The following SERINC1 variants were observed in gnomAD, a reference collection of about 807,000 sequenced individuals.
SERINC1 encodes the protein serine incorporator 1, also known as tumor differentially expressed protein 2.
SERINC1 carries 38 observed loss-of-function variants against 52.9 expected under a neutral mutation model. The ratio of observed to expected loss-of-function variants is 0.72; its 90% CI spans 0.55 to 0.94. SERINC1 has a LOEUF of 0.94. Ranked by LOEUF, SERINC1 falls within the 40% of genes least tolerant of loss-of-function variation. SERINC1 has a pLI of 0.00. For missense variants in SERINC1, 471 were observed against 533.9 expected, an observed-to-expected ratio of 0.88 and a Z score of 1.16; for synonymous variants, 198 against 183.1, an observed-to-expected ratio of 1.08 and a Z score of -0.66.
rs368054268 is a variant in SERINC1, at chr6:122,468,703, A to T, written c.39+2996T>A. On this transcript the variant is annotated intron_variant, in intron 1 of 9. Transcript: ENST00000339697. ...GAGAGAGAAGGAAGATTTTGGGGGGACATTTTTATTTAATTTCTACTCTGC... is the reference window on the plus strand; with the variant it reads ...GAGAGAGAAGGAAGATTTTGGGGGGTCATTTTTATTTAATTTCTACTCTGC... 1.7e-4 allele frequency among the ~76,000 whole-genome samples: 26 copies of T among 152,276 alleles called. No individual in the cohort carries two copies. The East Asian group carries it at 4.1e-3, about 24-fold the overall frequency.
chr6:122,458,693 A>G lies in SERINC1; in HGVS notation c.40-12T>C, dbSNP rs755263125. 3 of 1,553,802 alleles carry G rather than the reference A, an allele frequency of 1.9e-6. No individual in the cohort carries two copies. The Admixed American group carries it at 5.4e-5, about 28-fold the overall frequency. ...CACAAACATGGTATCTGGGAAAAAG[A>G]ATATTATTGAAAATATTATTAAGAA... is the stretch of plus-strand genomic sequence containing the variant. On this transcript the variant is annotated splice_polypyrimidine_tract_variant and intron_variant, in intron 1 of 9. Coordinates refer to ENST00000339697, the MANE Select transcript of SERINC1 (RefSeq NM_020755.4).
intron 1 of SERINC1, among the ~76,000 whole-genome samples, chr6:122,466,228 A>G (rs1258554813): frequency 1.3e-5 from 2 of 152,216 alleles, no homozygotes; most frequent in Non-Finnish European, 2.9e-5. Context: ...ATCCCGGGCA[A>G]CAAAGCAAGA....
intron 9 of SERINC1, 102 bp downstream of exon 9, chr6:122,446,672 T>C (rs1774809339): frequency 1.1e-5 from 8 of 721,476 alleles, no homozygotes; most frequent in Non-Finnish European, 1.9e-5. Flanking sequence ...TTGAAATATA[T>C]CAGAGGATAA....
intron 5 of SERINC1, 132 bp from the exon 6 acceptor site, chr6:122,452,189 T>A: frequency 1.9e-6 from 1 of 532,044 alleles, no homozygotes; most frequent in Non-Finnish European, 3.0e-6. Context: ...TTGTCAGCAT[T>A]ATAAAGGCTA....
At chr6:122,451,791 A>ATATATG (rs756686277) in intron 6 of SERINC1, 37 bp from the exon 7 acceptor site, 1 of 479,006 alleles carries the variant, frequency 2.1e-6, no homozygotes, top group Non-Finnish European at 3.2e-6. Flanking sequence ...ATATATATAT[A>ATATATG]TATAGCAACA....
chr6:122,464,273 A>T (rs954549400), intron 1 of SERINC1, among the ~76,000 whole-genome samples: 3 of 152,144 alleles, frequency 2.0e-5, no homozygotes, highest in Admixed American at 2.0e-4. Flanking sequence ...TACCTTAACT[A>T]AAAAAAGTCC....
chr6:122,444,679 GCAGC>G lies in SERINC1; in HGVS notation c.*361_*364del, dbSNP rs757752925. 1 of 163,568 alleles carries G rather than the reference GCAGC, an allele frequency of 6.1e-6. No homozygotes were observed. The highest frequency in any genetic ancestry group is 1.3e-5 in the Non-Finnish European group (1 of 75,834). The allele number at this position is 163,568 out of a possible 1,614,324, so 10.1% of individuals were successfully genotyped here. A position where few individuals can be genotyped will look rare whatever the true frequency, so the allele number is the denominator to read the frequency against. On this transcript the variant is annotated 3_prime_UTR_variant, in exon 10 of 10. Transcript: ENST00000339697. ...GGCAACACATCAAATATTTCAAAAG[GCAGC>G]CATACATTTGCTTTAATGCTTGCTA...
At chr6:122,447,032 G>T in intron 8 of SERINC1, 28 bp from the exon 9 acceptor site, 1 of 1,567,776 alleles carries the variant, frequency 6.4e-7, no homozygotes, top group Non-Finnish European at 8.7e-7. Context: ...TAGGAGGAGA[G>T]AAAAAAAAGA....
Position 122,471,643 on chromosome 6 carries a change from C to T in SERINC1, c.39+56G>A, listed in dbSNP as rs900024102. On this transcript the variant is annotated intron_variant, in intron 1 of 9. Coordinates refer to ENST00000339697, the MANE Select transcript of SERINC1 (RefSeq NM_020755.4). ...GGGCTCACCCAGCCCCGGCTCGGAT[C>T]GCCTTCTCTTTGGTCTCTCACACTA... The T allele has an allele frequency of 1.4e-5, 23 of 1,611,488 alleles. No homozygotes were observed. The Middle Eastern group carries it at 8.2e-4, about 58-fold the overall frequency.
intron 1 of SERINC1, among the ~76,000 whole-genome samples, chr6:122,459,201 A>G (rs1027778129): frequency 2.0e-5 from 3 of 152,264 alleles, no homozygotes; most frequent in African/African-American, 7.2e-5. Context: ...AAGGATAATA[A>G]TACAACTGGG....
In SERINC1 at chr6:122,444,917, C is replaced by CT. The variant is rs1490378737; in HGVS notation, c.*126dup. On this transcript the variant is annotated 3_prime_UTR_variant, in exon 10 of 10. Coordinates refer to ENST00000339697, the MANE Select transcript of SERINC1 (RefSeq NM_020755.4). ...ATAACAAAATGACAAGCAGTAAAAT[C>CT]TAATTCATGCCAGAACACTGGAGAA... The CT allele has an allele frequency of 3.6e-6, 3 of 835,208 alleles. No individual in the cohort carries two copies. Among genetic ancestry groups the CT allele is most frequent in the Non-Finnish European group, 5.5e-6 (3 of 548,842 alleles). The allele number at this position is 835,208 out of a possible 1,614,324, so 51.7% of individuals were successfully genotyped here.
At chr6:122,448,338 A>G (rs975827252) in intron 7 of SERINC1, among the ~76,000 whole-genome samples, 1 of 152,084 alleles carries the variant, frequency 6.6e-6, no homozygotes, top group Non-Finnish European at 1.5e-5. Context: ...ACATCAAAAC[A>G]AAAAAACAAA....
At chr6:122,462,569 T>C (rs955713439) in intron 1 of SERINC1, among the ~76,000 whole-genome samples, 4 of 152,006 alleles carry the variant, frequency 2.6e-5, no homozygotes, top group African/African-American at 9.7e-5. Context: ...AGTTCAATGA[T>C]AGCGCCACTG....
chr6:122,456,681 A>AT (rs750429636), intron 2 of SERINC1, 31 bp from the exon 3 acceptor site: 167 of 1,472,608 alleles, frequency 1.1e-4, no homozygotes, highest in South Asian at 2.6e-4. Context: ...ATGATCCATC[A>AT]TTTTTTTTCA....
At chr6:122,454,094 T>G (rs1774957711) in intron 4 of SERINC1, 57 bp downstream of exon 4, 1 of 1,255,024 alleles carries the variant, frequency 8.0e-7, no homozygotes, top group Admixed American at 2.2e-5. Flanking sequence ...AGGTGACAAT[T>G]ATTTCAGATT....
chr6:122,456,500 T>G lies in SERINC1; in HGVS notation c.352A>C (p.Arg118=), dbSNP rs1774997822. ...ACTTACCCATTGTGCACTGCAGCTC[T>G]AGGATCACTGCTACTCTTCACTTTG... ...MIKVKSSSDP[R]AAVHNGFWFF... Residue 118 remains arginine, a synonymous_variant, in exon 3 of 10, where the codon AGA becomes CGA. Transcript: ENST00000339697. 2 of 1,600,256 alleles carry G rather than the reference T, an allele frequency of 1.2e-6. No individual in the cohort carries two copies. Among genetic ancestry groups the G allele is most frequent in the East Asian group, 2.2e-5 (1 of 44,544 alleles).
intron 7 of SERINC1, among the ~76,000 whole-genome samples, chr6:122,448,936 G>A (rs1174966555): frequency 6.6e-6 from 1 of 151,530 alleles, no homozygotes; most frequent in Non-Finnish European, 1.5e-5. Flanking sequence ...GGTAATTCTT[G>A]TAATATTTCA....
In SERINC1 at chr6:122,452,028, G is replaced by A. The variant is rs1582631810; in HGVS notation, c.619C>T (p.Leu207=). 6.4e-7 allele frequency: 1 copy of A among 1,566,848 alleles called. No homozygotes were observed. The highest frequency in any genetic ancestry group is 8.6e-7 in the Non-Finnish European group (1 of 1,158,392). The part of the protein sequence containing the change: ...ALLSATALNY[L]LSLVAIVLFF... The stretch of plus-strand genomic sequence containing the variant: ...AGGACGATAGCAACTAAAGACAGCA[G>A]ATAATTCAGAGCTGTAGCTGATAAC... Residue 207 remains leucine (L), a synonymous_variant, in exon 6 of 10, where the codon CTG becomes TTG. Coordinates refer to ENST00000339697, the MANE Select transcript of SERINC1 (RefSeq NM_020755.4).
chr6:122,466,322 CAG>C (rs917779699), intron 1 of SERINC1, among the ~76,000 whole-genome samples: 1 of 152,038 alleles, frequency 6.6e-6, no homozygotes, highest in Non-Finnish European at 1.5e-5. Flanking sequence ...TTTTTTGAGA[CAG>C]AGTCTCACTC....
Sources: gnomAD v4.1 joint callset for allele counts (sites outside exome capture counted in the v4.1 genomes callset) on GRCh38, gnomAD v4.1.1 for gene constraint, MANE v1.5 for transcripts, NCBI Gene and HGNC (gene_info 2026-07-23, HGNC 2026-07-21) for gene names.